The following LY96 variants were observed in gnomAD, a reference collection of about 807,000 sequenced individuals.
LY96 encodes myeloid differentiation protein-2.
A neutral mutation model predicts 18.9 loss-of-function variants in LY96; 18 were observed. That is an observed-to-expected ratio of 0.95 (90% CI 0.66 to 1.41). The LOEUF is 1.41. Among genes scored for constraint, LY96 ranks in the 40% most tolerant of loss-of-function variants. LY96 has a pLI of 0.00. For synonymous variants in LY96, 66 were observed against 62.6 expected, an observed-to-expected ratio of 1.06 and a Z score of -0.26; for missense variants, 175 against 182.4, an observed-to-expected ratio of 0.96 and a Z score of 0.23.
At chr8:74,026,529 T>C (rs1433352673) in intron 3 of LY96, among the ~76,000 whole-genome samples, 2 of 152,230 alleles carry the variant, frequency 1.3e-5, no homozygotes, top group Non-Finnish European at 2.9e-5. Context: ...GTTCATCGTT[T>C]ATTCATTATT....
rs779074870 is a variant in LY96 at position 74,026,791 on chromosome 8, AC to A, written c.335del (p.Thr112MetfsTer2). ...TGTATTTTATATTTTGTTTGCAGAG[AC>A]TGTGAATACAACAATATCATTCTCC... ...YSFCRALKGETVNTTISFSFK... is the reference protein window; with the variant it reads ...YSFCRALKGEXVNTTISFSFK... On this transcript the variant is annotated frameshift_variant, in exon 4 of 5. Transcript: ENST00000284818. LOFTEE classifies it low-confidence loss of function (END_TRUNC). 4.6e-6 allele frequency: 7 copies of A among 1,529,440 alleles called. No individual in the cohort carries two copies. Among genetic ancestry groups the A allele is most frequent in the African/African-American group, 2.7e-5 (2 of 73,304 alleles). 94.7% of individuals were successfully genotyped at this position (1,529,440 alleles called of 1,614,324 possible).
chr8:74,054,724 C>T, the LY96 span, among the ~76,000 whole-genome samples: 15 of 144,950 alleles, frequency 1.0e-4, no homozygotes, highest in African/African-American at 3.1e-4. Context: ...AGTGCAATGA[C>T]GTGATCATGG....
rs1380798077 is a variant in LY96 at position 74,001,964 on chromosome 8, TTCCTTCCTTCCTTCCC to T, written c.113-2828_113-2813del. On this transcript the variant is annotated intron_variant, in intron 1 of 4. Transcript: ENST00000284818. Reference sequence around the variant, plus strand: ...CTTCCTTCCTTCCTTCCTTCCTTCCTTCCTTCCTTCCTTCCCTCCCTCCCTCCCTCCTTTCTTCCTT... The same window carrying T: ...CTTCCTTCCTTCCTTCCTTCCTTCCTTCCCTCCCTCCCTCCTTTCTTCCTT... 1.6e-3 allele frequency among the ~76,000 whole-genome samples: 229 copies of T among 142,876 alleles called. 11 individuals are homozygous for T. Among genetic ancestry groups the T allele is most frequent in the African/African-American group, 5.9e-3 (219 of 37,262 alleles). 93.7% of individuals were successfully genotyped at this position (142,876 alleles called of 152,430 possible).
the LY96 span, among the ~76,000 whole-genome samples, chr8:74,068,275 T>A: frequency 6.6e-6 from 1 of 151,898 alleles, no homozygotes; most frequent in Non-Finnish European, 1.5e-5. Flanking sequence ...CTCAGCATAA[T>A]CCTTTGAGAT....
At chr8:74,026,047 C>A (rs1207225624) in intron 3 of LY96, among the ~76,000 whole-genome samples, 1 of 152,030 alleles carries the variant, frequency 6.6e-6, no homozygotes, top group Non-Finnish European at 1.5e-5. Context: ...AGGATACATC[C>A]AGAAGTAAAT....
the LY96 span, among the ~76,000 whole-genome samples, chr8:74,095,328 C>T: frequency 8.5e-5 from 13 of 152,336 alleles, no homozygotes; most frequent in African/African-American, 3.1e-4. Flanking sequence ...CCTTTTCCTA[C>T]ACGCACAGAA....
At chr8:74,083,104 G>A in the LY96 span, among the ~76,000 whole-genome samples, 1 of 151,942 alleles carries the variant, frequency 6.6e-6, no homozygotes, top group African/African-American at 2.4e-5. Flanking sequence ...TTATACAGAT[G>A]TTTATATGTA....
At chr8:74,084,371 C>T in the LY96 span, among the ~76,000 whole-genome samples, 2 of 152,136 alleles carry the variant, frequency 1.3e-5, no homozygotes, top group Middle Eastern at 3.2e-3. Flanking sequence ...TTGCTTCCTA[C>T]GCCTTAGCCA....
At chr8:74,040,606 A>G in the LY96 span, among the ~76,000 whole-genome samples, 1 of 151,046 alleles carries the variant, frequency 6.6e-6, no homozygotes, top group Non-Finnish European at 1.5e-5. Context: ...ATCCCCATGT[A>G]TGCTTTTGGT....
At chr8:74,094,843 T>G in the LY96 span, among the ~76,000 whole-genome samples, 274 of 152,370 alleles carry the variant, frequency 1.8e-3, no homozygotes, top group African/African-American at 6.2e-3. Flanking sequence ...GGAACGATTC[T>G]GATGGGTTTA....
At chr8:74,091,915 T>C in the LY96 span, among the ~76,000 whole-genome samples, 1 of 152,178 alleles carries the variant, frequency 6.6e-6, no homozygotes, top group Non-Finnish European at 1.5e-5. Context: ...AAATGCATGG[T>C]GTGTAGCTCC....
chr8:74,006,733 G>C (rs1410419778), intron 2 of LY96, among the ~76,000 whole-genome samples: 1 of 152,134 alleles, frequency 6.6e-6, no homozygotes, highest in South Asian at 2.1e-4. Flanking sequence ...TTTCTGGTCT[G>C]TTGGCAGGTT....
chr8:74,057,921 T>C, the LY96 span, among the ~76,000 whole-genome samples: 3 of 152,218 alleles, frequency 2.0e-5, no homozygotes, highest in Non-Finnish European at 4.4e-5. Context: ...GCAGTGAACA[T>C]CTGTGGAGTA....
chr8:74,034,530 A>C, the LY96 span, among the ~76,000 whole-genome samples: 1 of 151,952 alleles, frequency 6.6e-6, no homozygotes, highest in Admixed American at 6.6e-5. Context: ...CCAGGTTATC[A>C]TTTTTCTTCT....
the LY96 span, among the ~76,000 whole-genome samples, chr8:74,084,717 G>A: frequency 6.6e-6 from 1 of 152,110 alleles, no homozygotes; most frequent in African/African-American, 2.4e-5. Context: ...AGATTCAAGC[G>A]ATTCTCCTGC....
chr8:74,040,090 C>G, the LY96 span, among the ~76,000 whole-genome samples: 2 of 152,222 alleles, frequency 1.3e-5, no homozygotes, highest in Admixed American at 6.5e-5. Context: ...TTCTAGGTCA[C>G]TTCTCACAAT....
chr8:74,009,568 C>A (rs767494465), intron 2 of LY96, among the ~76,000 whole-genome samples: 10 of 152,014 alleles, frequency 6.6e-5, no homozygotes, highest in Non-Finnish European at 1.5e-4. Flanking sequence ...TTTAATTTTT[C>A]ATCAAAAGAT....
the LY96 span, among the ~76,000 whole-genome samples, chr8:74,068,525 G>T: frequency 6.6e-6 from 1 of 152,044 alleles, no homozygotes; most frequent in Non-Finnish European, 1.5e-5. Flanking sequence ...ATTTAACTCT[G>T]GTAAATTTTC....
At chr8:74,034,442 C>T in the LY96 span, among the ~76,000 whole-genome samples, 24 of 152,030 alleles carry the variant, frequency 1.6e-4, no homozygotes, top group African/African-American at 5.8e-4. Flanking sequence ...AAGTGTAACA[C>T]TTTTTATTAG....
Sources: allele counts gnomAD v4.1 joint callset (sites outside exome capture counted in the v4.1 genomes callset), GRCh38; gene constraint gnomAD v4.1.1; transcripts MANE v1.5; gene names NCBI Gene and HGNC (gene_info 2026-07-23, HGNC 2026-07-21).